The following ENTHD1 variants were observed in gnomAD, a reference collection of about 807,000 sequenced individuals.
ENTHD1 encodes ENTH domain-containing protein 1.
A neutral mutation model predicts 39.1 loss-of-function variants in ENTHD1; 23 were observed. The observed-to-expected ratio is 0.59, with a 90% CI of 0.42 to 0.83. The LOEUF (loss-of-function observed/expected upper bound fraction) is 0.83. Ranked by LOEUF, ENTHD1 falls within the 40% of genes least tolerant of loss-of-function variation. The pLI is 0.00. For missense variants in ENTHD1, 624 were observed against 705.4 expected, an observed-to-expected ratio of 0.88 and a Z score of 1.31; for synonymous variants, 230 against 258.2, an observed-to-expected ratio of 0.89 and a Z score of 1.05.
At chr22:39,873,767 C>A (rs1197331025) in intron 2 of ENTHD1, among the ~76,000 whole-genome samples, 1 of 152,154 alleles carries the variant, frequency 6.6e-6, no homozygotes, top group East Asian at 1.9e-4. Flanking sequence ...TCACAATATA[C>A]ACAAAAGCTA....
chr22:39,813,164 G>A lies in ENTHD1; in HGVS notation c.832+7829C>T, dbSNP rs901474598. 5.3e-5 allele frequency among the ~76,000 whole-genome samples: 8 copies of A among 152,102 alleles called. No individual in the cohort carries two copies. The South Asian group carries it at 6.2e-4, about 12-fold the overall frequency. On this transcript the variant is annotated intron_variant, in intron 5 of 6. Coordinates refer to ENST00000325157, the MANE Select transcript of ENTHD1 (RefSeq NM_152512.4). ...CCTGCAGCCCTCTGCCAGCACCACC[G>A]TTTGTACACTTAGAGAACACCTTAT...
intron 5 of ENTHD1, among the ~76,000 whole-genome samples, chr22:39,766,901 TA>T (rs2065281614): frequency 6.6e-6 from 1 of 152,196 alleles, no homozygotes. Context: ...TCTCATCTTT[TA>T]AAACTCAATT....
chr22:39,891,071 A>G (rs1284670615), intron 1 of ENTHD1, among the ~76,000 whole-genome samples: 1 of 152,230 alleles, frequency 6.6e-6, no homozygotes, highest in Non-Finnish European at 1.5e-5. Context: ...CAAGAGGGTA[A>G]ATTTCCACAT....
chr22:39,863,277 CA>C (rs2066158634), intron 2 of ENTHD1, among the ~76,000 whole-genome samples: 2 of 152,290 alleles, frequency 1.3e-5, no homozygotes, highest in African/African-American at 2.4e-5. Context: ...TGTTACCTTA[CA>C]GGGGTACAGT....
At chr22:39,839,669 G>T (rs989978005) in intron 3 of ENTHD1, among the ~76,000 whole-genome samples, 14 of 152,262 alleles carry the variant, frequency 9.2e-5, no homozygotes, top group Middle Eastern at 3.4e-3. Context: ...TGGTGACTTG[G>T]GGCTTAGATC....
At chr22:39,880,951 G>A (rs1287177651) in intron 2 of ENTHD1, among the ~76,000 whole-genome samples, 1 of 152,210 alleles carries the variant, frequency 6.6e-6, no homozygotes, top group Admixed American at 6.5e-5. Flanking sequence ...CTAACTAGCT[G>A]TGTGGAGAGT....
intron 2 of ENTHD1, among the ~76,000 whole-genome samples, chr22:39,881,718 G>A (rs541587067): frequency 4.1e-4 from 62 of 152,156 alleles, no homozygotes; most frequent in Non-Finnish European, 5.4e-4. Flanking sequence ...GGGGAAAAAC[G>A]AAACAGAAGG....
intron 6 of ENTHD1, among the ~76,000 whole-genome samples, chr22:39,757,870 T>C (rs141783980): frequency 6.6e-6 from 1 of 152,178 alleles, no homozygotes; most frequent in African/African-American, 2.4e-5. Flanking sequence ...CGAGATCTGA[T>C]GGTTTTATAA....
rs973585054 is a variant in ENTHD1, at chr22:39,807,873, A to G, written c.832+13120T>C. Among the ~76,000 whole-genome samples the G allele has an allele frequency of 4.2e-4, 63 of 151,210 alleles. 1 individual carries two copies. Among genetic ancestry groups the G allele is most frequent in the Non-Finnish European group, 2.5e-4 (17 of 67,754 alleles). The stretch of plus-strand genomic sequence containing the variant: ...TCTTGTTTTAGGGGTGTGTGTGTGT[A>G]TATATATATACGTACGTGTGTGTGT... On this transcript the variant is annotated intron_variant, in intron 5 of 6. Coordinates refer to ENST00000325157, the MANE Select transcript of ENTHD1 (RefSeq NM_152512.4).
intron 4 of ENTHD1, among the ~76,000 whole-genome samples, chr22:39,832,723 C>T (rs531239836): frequency 3.9e-5 from 6 of 152,052 alleles, no homozygotes; most frequent in Non-Finnish European, 7.4e-5. Flanking sequence ...TATAAAGGAA[C>T]GACATCAAAA....
At chr22:39,850,940 T>C (rs1037379467) in intron 3 of ENTHD1, among the ~76,000 whole-genome samples, 3 of 152,246 alleles carry the variant, frequency 2.0e-5, no homozygotes, top group African/African-American at 7.2e-5. Flanking sequence ...TACCATTTAT[T>C]CATTATTCTC....
intron 5 of ENTHD1, among the ~76,000 whole-genome samples, chr22:39,774,912 C>T (rs900495924): frequency 1.3e-5 from 2 of 152,090 alleles, no homozygotes; most frequent in South Asian, 2.1e-4. Context: ...ATTTCCATGC[C>T]TCTGTGTTTT....
At chr22:39,772,279 G>A (rs766212928) in intron 5 of ENTHD1, among the ~76,000 whole-genome samples, 3 of 152,158 alleles carry the variant, frequency 2.0e-5, no homozygotes, top group Non-Finnish European at 4.4e-5. Flanking sequence ...GACAGGAGGC[G>A]AAGCTCAGGT....
At position 39,803,889 on chromosome 22, in the gene ENTHD1, C is replaced by T. The variant is rs541033955; in HGVS notation, c.832+17104G>A. Reference sequence around the variant, plus strand: ...AAAGAATCAATGATCTGGTCAGGTGCGGTGGCTCATGCTTGTAATCCTAGC... The same window carrying T: ...AAAGAATCAATGATCTGGTCAGGTGTGGTGGCTCATGCTTGTAATCCTAGC... On this transcript the variant is annotated intron_variant, in intron 5 of 6. Coordinates refer to ENST00000325157, the MANE Select transcript of ENTHD1 (RefSeq NM_152512.4). Among the ~76,000 whole-genome samples, 6 of 152,204 alleles carry T rather than the reference C, an allele frequency of 3.9e-5. No individual in the cohort carries two copies. The East Asian group carries it at 1.2e-3, about 29-fold the overall frequency.
rs981907747 is a variant in ENTHD1 at position 39,747,098 on chromosome 22, C to T, written c.1220-2815G>A. On this transcript the variant is annotated intron_variant, in intron 6 of 6. Coordinates refer to ENST00000325157, the MANE Select transcript of ENTHD1 (RefSeq NM_152512.4). ...TCAACCTGGGCTCAAGCGATCCTCC[C>T]GCCTCAGCCTTCCTAGTAGCTGAGA... is the stretch of plus-strand genomic sequence containing the variant. 8.5e-5 allele frequency among the ~76,000 whole-genome samples: 13 copies of T among 152,220 alleles called. 1 individual carries two copies. The highest frequency in any genetic ancestry group is 1.8e-4 in the Non-Finnish European group (12 of 68,008).
chr22:39,744,583 A>G (rs1001881603), intron 6 of ENTHD1, among the ~76,000 whole-genome samples: 1 of 152,210 alleles, frequency 6.6e-6, no homozygotes, highest in African/African-American at 2.4e-5. Flanking sequence ...CACTAAACTT[A>G]ATCAGAGAGA....
At chr22:39,761,987 T>C (rs1436731439) in intron 6 of ENTHD1, among the ~76,000 whole-genome samples, 2 of 152,220 alleles carry the variant, frequency 1.3e-5, no homozygotes, top group Non-Finnish European at 2.9e-5. Context: ...TAGTGATTTT[T>C]AAAATTTTAT....
At chr22:39,854,221 C>T (rs893419256) in intron 3 of ENTHD1, among the ~76,000 whole-genome samples, 9 of 152,014 alleles carry the variant, frequency 5.9e-5, no homozygotes, top group South Asian at 2.1e-4. Flanking sequence ...GGACCTCAGC[C>T]GGGAATTGAT....
chr22:39,875,718 C>T (rs2066283623), intron 2 of ENTHD1: 1 of 1,612,526 alleles, frequency 6.2e-7, no homozygotes, highest in African/African-American at 1.3e-5. Flanking sequence ...ATGAGTGCTT[C>T]TGCTGATGTG....
Sources: allele counts gnomAD v4.1 joint callset (sites outside exome capture counted in the v4.1 genomes callset), GRCh38; gene constraint gnomAD v4.1.1; transcripts MANE v1.5; gene names NCBI Gene and HGNC (gene_info 2026-07-23, HGNC 2026-07-21).